Variants in MTERF3 observed in about 807,000 individuals in gnomAD.
MTERF3 encodes mitochondrial transcription termination factor 3.
Under a neutral mutation model 40.5 loss-of-function variants are expected in MTERF3, and 40 were observed. That is an observed-to-expected ratio of 0.99 (90% CI 0.77 to 1.29). The LOEUF is 1.29. Among genes scored for constraint, MTERF3 ranks in the 50% most tolerant of loss-of-function variants. MTERF3 has a pLI of 0.00. For synonymous variants in MTERF3, 158 were observed against 166.6 expected (o/e 0.95, Z 0.40); for missense variants, 452 against 478.2 (o/e 0.95, Z 0.51).
rs1400257767 is a variant in MTERF3 at position 96,239,691 on chromosome 8, A to G, written c.1060-6T>C. On this transcript the variant is annotated splice_polypyrimidine_tract_variant and splice_region_variant and intron_variant, in intron 7 of 7. Coordinates refer to ENST00000287025, the MANE Select transcript of MTERF3 (RefSeq NM_015942.5). ...AACAGCCTTGTATTAAATACCTAGA[A>G]AAGAAAAAAAAGTTTTTAAAAAACA... 1.9e-6 allele frequency: 3 copies of G among 1,566,442 alleles called. No individual in the cohort carries two copies. The African/African-American group carries it at 4.2e-5, about 22-fold the overall frequency.
chr8:96,258,649 T>C lies in MTERF3; in HGVS notation c.42A>G (p.Ser14=), dbSNP rs1810326736. Residue 14 remains serine, a synonymous_variant, in exon 2 of 8, where the codon TCA becomes TCG. Coordinates refer to ENST00000287025, the MANE Select transcript of MTERF3 (RefSeq NM_015942.5). ...SAQQIPRWFN[S]VKLRSLINAA... ...CATTAATGAGGCTCCTCAACTTAAC[T>C]GAGTTAAACCATCTGGGTATCTGTT... 6.2e-7 allele frequency: 1 copy of C among 1,613,252 alleles called. No homozygotes were observed.
Position 96,259,806 on chromosome 8 carries a change from T to C in MTERF3, c.-10-1106A>G, listed in dbSNP as rs1382496400. ...AAATTAGACCAAATACTTGAGGGTCTAATCTTTTCTTGGAGATCTGTAGTT... is the reference window on the plus strand; with the variant it reads ...AAATTAGACCAAATACTTGAGGGTCCAATCTTTTCTTGGAGATCTGTAGTT... On this transcript the variant is annotated intron_variant, in intron 1 of 7. Coordinates refer to ENST00000287025, the MANE Select transcript of MTERF3 (RefSeq NM_015942.5). Among the ~76,000 whole-genome samples, 4 of 152,364 alleles carry C rather than the reference T, an allele frequency of 2.6e-5. No individual in the cohort carries two copies. In the East Asian group the frequency reaches 5.8e-4, roughly 22 times the overall value.
At chr8:96,250,413 T>G (rs900996525) in intron 4 of MTERF3, among the ~76,000 whole-genome samples, 2 of 145,276 alleles carry the variant, frequency 1.4e-5, no homozygotes, top group African/African-American at 5.1e-5. Flanking sequence ...GTTGAAAACA[T>G]AAAAATAATA....
chr8:96,255,672 C>G (rs1201652278), intron 3 of MTERF3, among the ~76,000 whole-genome samples: 1 of 151,734 alleles, frequency 6.6e-6, no homozygotes, highest in Non-Finnish European at 1.5e-5. Context: ...AGGATGACCC[C>G]CAAAGTTTCT....
At chr8:96,250,793 T>A (rs1810166967) in intron 4 of MTERF3, 113 bp downstream of exon 4, 4 of 956,306 alleles carry the variant, frequency 4.2e-6, no homozygotes, top group Admixed American at 3.2e-5. Context: ...ACAAAAAAAA[T>A]TCATGTTATC....
rs572677910 is a variant in MTERF3, at chr8:96,247,657, T to A, written c.678-1203A>T. On this transcript the variant is annotated intron_variant, in intron 4 of 7. Transcript: ENST00000287025. ...AAGCCTATGGTATTTTTATACTATA[T>A]ACCAAAACTTATATTACTTTATAAT... is the stretch of plus-strand genomic sequence containing the variant. Among the ~76,000 whole-genome samples the A allele has an allele frequency of 9.2e-5, 14 of 152,254 alleles. No homozygotes were observed. The East Asian group carries it at 2.7e-3, about 29-fold the overall frequency.
intron 4 of MTERF3, among the ~76,000 whole-genome samples, chr8:96,250,672 A>AAGG (rs1554580074): frequency 1.2e-4 from 4 of 32,448 alleles, no homozygotes; most frequent in Admixed American, 7.1e-4. Flanking sequence ...GAAGAAGAAG[A>AAGG]AGAAGAAGAA....
At chr8:96,239,916 T>C (rs1809891028) in intron 7 of MTERF3, 4 of 676,338 alleles carry the variant, frequency 5.9e-6, no homozygotes, top group Non-Finnish European at 8.0e-6. Context: ...AGGGCTATAC[T>C]GTGTGCAAAG....
Position 96,250,982 on chromosome 8 carries a change from C to G in MTERF3, c.601G>C (p.Glu201Gln), listed in dbSNP as rs1275153748. Residue 201 changes from glutamate to glutamine, a missense_variant, in exon 4 of 8, where the codon GAG becomes CAG. By Grantham distance (29) the Glu-to-Gln change is conservative. Transcript: ENST00000287025. Reference sequence around the variant, plus strand: ...AGGAATGCTCCCAGTTGGTTATCCTCTATACCCACATCTTTAAGAAACAGA... The same window carrying G: ...AGGAATGCTCCCAGTTGGTTATCCTGTATACCCACATCTTTAAGAAACAGA... Reference protein sequence around the residue: ...MLLFLKDVGIEDNQLGAFLTK... With the variant: ...MLLFLKDVGIQDNQLGAFLTK... 1 of 1,608,116 alleles carries G rather than the reference C, an allele frequency of 6.2e-7. No individual in the cohort carries two copies. Among genetic ancestry groups the G allele is most frequent in the Non-Finnish European group, 8.5e-7 (1 of 1,178,676 alleles).
rs1230972210 is a variant in MTERF3, at chr8:96,245,873, T to C, written c.884A>G (p.Lys295Arg). The C allele has an allele frequency of 6.2e-7, 1 of 1,613,850 alleles. No individual in the cohort carries two copies. The highest frequency in any genetic ancestry group is 8.5e-7 in the Non-Finnish European group (1 of 1,179,868). ...RLLTGSLEPV[K>R]ENMKVYRLEL... is the part of the protein sequence containing the mutation. ...AAGTTGTCCTACCTTCATATTTTCT[T>C]TCACGGGTTCCAGACTTCCAGTTAG... is the stretch of plus-strand genomic sequence containing the variant. Residue 295 changes from lysine to arginine, a missense_variant, in exon 6 of 8, where the codon AAA (lysine) becomes AGA (arginine). Lys to Arg is a conservative substitution (Grantham distance 26, BLOSUM62 2). Transcript: ENST00000287025.
At position 96,258,474 on chromosome 8, in the gene MTERF3, T is replaced by G. The variant is rs773643175; in HGVS notation, c.217A>C (p.Thr73Pro). 2 of 1,614,168 alleles carry G rather than the reference T, an allele frequency of 1.2e-6. No individual in the cohort carries two copies. Among genetic ancestry groups the G allele is most frequent in the South Asian group, 2.2e-5 (2 of 91,086 alleles). ...TTATTCTCCTGACTACTTGAGCTAG[T>G]AGACTGGGAACTATTCCATAAGGAG... is the stretch of plus-strand genomic sequence containing the variant. Reference protein sequence around the residue: ...TSSLWNSSQSTSSSSQENNSA... With the variant: ...TSSLWNSSQSPSSSSQENNSA... Residue 73 changes from threonine to proline, a missense_variant, in exon 2 of 8, where the codon ACT (threonine) becomes CCT (proline). By Grantham distance (38) the Thr-to-Pro change is conservative. Coordinates refer to ENST00000287025, the MANE Select transcript of MTERF3 (RefSeq NM_015942.5).
intron 7 of MTERF3, among the ~76,000 whole-genome samples, chr8:96,243,428 A>G (rs1809963044): frequency 6.6e-6 from 1 of 152,240 alleles, no homozygotes; most frequent in Non-Finnish European, 1.5e-5. Flanking sequence ...TAAAGAGTCA[A>G]TATTCAAGAT....
At chr8:96,259,824 C>T (rs1159562838) in intron 1 of MTERF3, among the ~76,000 whole-genome samples, 2 of 152,042 alleles carry the variant, frequency 1.3e-5, no homozygotes, top group African/African-American at 2.4e-5. Flanking sequence ...TCTTGGAGAT[C>T]TGTAGTTTTG....
In MTERF3 at chr8:96,241,227, T is replaced by C. The variant is rs185551699; in HGVS notation, c.1060-1542A>G. ...GAGTTTGAGACCATCCTGGCCAACATGGTGAAACCTCGTCTCTACTAAAAA... is the reference window on the plus strand; with the variant it reads ...GAGTTTGAGACCATCCTGGCCAACACGGTGAAACCTCGTCTCTACTAAAAA... On this transcript the variant is annotated intron_variant, in intron 7 of 7. Coordinates refer to ENST00000287025, the MANE Select transcript of MTERF3 (RefSeq NM_015942.5). Among the ~76,000 whole-genome samples the C allele has an allele frequency of 4.6e-3, 702 of 152,092 alleles. 13 individuals carry two copies. Among genetic ancestry groups the C allele is most frequent in the Admixed American group, 0.042 (638 of 15,284 alleles).
intron 6 of MTERF3, among the ~76,000 whole-genome samples, chr8:96,244,456 G>A (rs1004871955): frequency 3.3e-5 from 5 of 150,956 alleles, no homozygotes; most frequent in African/African-American, 1.2e-4. Flanking sequence ...GCTGGAGTGC[G>A]GTGGCACGAT....
At chr8:96,245,494 C>T (rs1168411989) in intron 6 of MTERF3, among the ~76,000 whole-genome samples, 2 of 152,180 alleles carry the variant, frequency 1.3e-5, no homozygotes, top group Admixed American at 1.3e-4. Context: ...GACTGTCATG[C>T]TGGCCAACAG....
chr8:96,240,114 G>A (rs112365283), intron 7 of MTERF3, among the ~76,000 whole-genome samples: 1 of 152,194 alleles, frequency 6.6e-6, no homozygotes, highest in Admixed American at 6.5e-5. Context: ...TGGGCGTGGT[G>A]GCGCATGCCT....
chr8:96,257,556 C>T (rs1431336388), intron 2 of MTERF3, among the ~76,000 whole-genome samples: 1 of 152,200 alleles, frequency 6.6e-6, no homozygotes, highest in East Asian at 1.9e-4. Context: ...AAGTTACCCT[C>T]AAATACATCT....
At chr8:96,251,505 C>G (rs7814892) in intron 3 of MTERF3, among the ~76,000 whole-genome samples, 11,438 of 152,088 alleles carry the variant, frequency 0.075, 462 homozygotes, top group African/African-American at 0.083. Flanking sequence ...TTTATTTTTC[C>G]TTAGTTATAA....
Sources: gnomAD v4.1 joint callset for allele counts (sites outside exome capture counted in the v4.1 genomes callset) on GRCh38, gnomAD v4.1.1 for gene constraint, MANE v1.5 for transcripts, NCBI Gene and HGNC (gene_info 2026-07-23, HGNC 2026-07-21) for gene names.